The following HRH1 variants were observed in gnomAD, a reference collection of about 807,000 sequenced individuals.
HRH1 encodes the protein histamine H1 receptor.
Under a neutral mutation model 10.3 loss-of-function variants are expected in HRH1, and 6 were observed. The observed-to-expected ratio is 0.58, with a 90% CI of 0.32 to 1.15. The LOEUF is 1.15. Among genes scored for constraint, HRH1 ranks in the 50% most tolerant of loss-of-function variants. The probability of loss-of-function intolerance (pLI) is 0.05; values close to 1 mark genes in which losing one functional copy is unlikely to be tolerated. For missense variants in HRH1, 514 were observed against 615.3 expected, an observed-to-expected ratio of 0.84 and a Z score of 1.74; for synonymous variants, 242 against 236.7, an observed-to-expected ratio of 1.02 and a Z score of -0.21.
intron 1 of HRH1, among the ~76,000 whole-genome samples, chr3:11,233,989 A>T (rs1362276384): frequency 6.6e-6 from 1 of 152,206 alleles, no homozygotes; most frequent in Non-Finnish European, 1.5e-5. Context: ...CATGATTTAA[A>T]AGTGGCAAAA....
chr3:11,159,005 TG>T (rs1284500462), intron 1 of HRH1, among the ~76,000 whole-genome samples: 3 of 152,222 alleles, frequency 2.0e-5, no homozygotes, highest in Non-Finnish European at 2.9e-5. Flanking sequence ...CCCAGCACTT[TG>T]GGAGGCCGAG....
At chr3:11,217,485 C>T (rs932331656) in intron 1 of HRH1, among the ~76,000 whole-genome samples, 11 of 151,830 alleles carry the variant, frequency 7.2e-5, no homozygotes, top group Non-Finnish European at 1.5e-4. Context: ...GCCGAGATGG[C>T]GCCATTGCAC....
upstream of HRH1, among the ~76,000 whole-genome samples, chr3:11,152,684 A>G (rs1329099715): frequency 6.8e-6 from 1 of 146,128 alleles, no homozygotes. Flanking sequence ...TAGAGAGAGG[A>G]AATGTATTTC....
chr3:11,217,442 T>C (rs983621038), intron 1 of HRH1, among the ~76,000 whole-genome samples: 1 of 151,966 alleles, frequency 6.6e-6, no homozygotes, highest in African/African-American at 2.4e-5. Context: ...GGCAGGAGAA[T>C]CACTTGAACC....
intron 1 of HRH1, among the ~76,000 whole-genome samples, chr3:11,220,535 G>T (rs1159192689): frequency 6.6e-6 from 1 of 152,188 alleles, no homozygotes; most frequent in African/African-American, 2.4e-5. Context: ...GGAGCTGCAG[G>T]GCTGCCCATG....
chr3:11,240,905 A>G lies in HRH1; in HGVS notation c.-35-18098A>G, dbSNP rs552106301. On this transcript the variant is annotated intron_variant, in intron 1 of 1. Coordinates refer to ENST00000431010, the MANE Select transcript of HRH1 (RefSeq NM_001098212.2). ...GACTAGAATAACCAGCCTACAAATG[A>G]TGAAGAGGATAGAGAAGTTTGGACT... Among the ~76,000 whole-genome samples the G allele has an allele frequency of 3.2e-4, 48 of 152,332 alleles. 2 individuals carry two copies. In the Middle Eastern group the frequency reaches 0.02, roughly 65 times the overall value.
At chr3:11,239,816 C>T (rs1329111167) in intron 1 of HRH1, among the ~76,000 whole-genome samples, 1 of 151,736 alleles carries the variant, frequency 6.6e-6, no homozygotes, top group Non-Finnish European at 1.5e-5. Flanking sequence ...CCAGTGGCAG[C>T]CCCCCACCCC....
intron 1 of HRH1, among the ~76,000 whole-genome samples, chr3:11,138,161 GC>G (rs1249261833): frequency 2.0e-5 from 3 of 147,718 alleles, no homozygotes; most frequent in African/African-American, 7.5e-5. Flanking sequence ...GACTACAGGC[GC>G]CCGCACCACG....
At chr3:11,145,500 T>A (rs1172853386) in intron 1 of HRH1, among the ~76,000 whole-genome samples, 1 of 152,186 alleles carries the variant, frequency 6.6e-6, no homozygotes, top group South Asian at 2.1e-4. Flanking sequence ...GCTCTCATAG[T>A]GGGGCTGCCT....
chr3:11,171,415 C>T (rs1419559234), intron 1 of HRH1, among the ~76,000 whole-genome samples: 6 of 151,984 alleles, frequency 3.9e-5, no homozygotes, highest in African/African-American at 1.2e-4. Flanking sequence ...TGTGCCTGGC[C>T]AGGGTTGCAG....
chr3:11,218,166 G>A (rs746272394), intron 1 of HRH1, among the ~76,000 whole-genome samples: 1 of 152,216 alleles, frequency 6.6e-6, no homozygotes, highest in Non-Finnish European at 1.5e-5. Context: ...CAATTTTAAG[G>A]CCAGGCGCGG....
At chr3:11,236,980 C>CT (rs1340057243) in intron 1 of HRH1, among the ~76,000 whole-genome samples, 4 of 151,840 alleles carry the variant, frequency 2.6e-5, no homozygotes, top group South Asian at 2.1e-4. Context: ...TCATCAATCA[C>CT]TTTTTTTTTC....
intron 1 of HRH1, among the ~76,000 whole-genome samples, chr3:11,232,662 C>T (rs564137005): frequency 2.0e-5 from 3 of 152,098 alleles, no homozygotes; most frequent in Non-Finnish European, 2.9e-5. Context: ...TGTCTATATC[C>T]GTAAGACATC....
intron 1 of HRH1, among the ~76,000 whole-genome samples, chr3:11,204,426 G>T (rs1039838494): frequency 6.6e-6 from 1 of 152,132 alleles, no homozygotes; most frequent in African/African-American, 2.4e-5. Flanking sequence ...CCAGGGGTCA[G>T]GTGTTCCAAG....
chr3:11,186,615 G>A (rs889145447), intron 1 of HRH1, among the ~76,000 whole-genome samples: 2 of 152,194 alleles, frequency 1.3e-5, no homozygotes, highest in Non-Finnish European at 2.9e-5. Flanking sequence ...TGCCTTGGAG[G>A]TCGGGATCTG....
chr3:11,248,279 G>T, intron 1 of HRH1, among the ~76,000 whole-genome samples: 1 of 152,260 alleles, frequency 6.6e-6, no homozygotes, highest in East Asian at 1.9e-4. Flanking sequence ...GATTATAATA[G>T]ATATAATTTA....
At chr3:11,258,775 C>T (rs1939852734) in intron 1 of HRH1, among the ~76,000 whole-genome samples, 1 of 152,156 alleles carries the variant, frequency 6.6e-6, no homozygotes, top group Admixed American at 6.5e-5. Context: ...CTATTTTGTT[C>T]ACAGCTATAT....
rs192273668 is a variant in HRH1, at chr3:11,219,435, T to C, written c.-35-39568T>C. 1.4e-3 allele frequency among the ~76,000 whole-genome samples: 207 copies of C among 151,938 alleles called. 3 individuals carry two copies. The East Asian group carries it at 0.028, about 20-fold the overall frequency. On this transcript the variant is annotated intron_variant, in intron 1 of 1. Coordinates refer to ENST00000431010, the MANE Select transcript of HRH1 (RefSeq NM_001098212.2). ...TTGCCACAGTTAAAAATAAATAGGCTGGGCACGGTGGCTCATGCCTGTAAT... is the reference window on the plus strand; with the variant it reads ...TTGCCACAGTTAAAAATAAATAGGCCGGGCACGGTGGCTCATGCCTGTAAT...
At chr3:11,192,081 G>C (rs1351468022) in intron 1 of HRH1, among the ~76,000 whole-genome samples, 1 of 152,218 alleles carries the variant, frequency 6.6e-6, no homozygotes, top group Non-Finnish European at 1.5e-5. Flanking sequence ...CACTGGGCAT[G>C]ATGAGTCACC....
Sources: allele counts gnomAD v4.1 joint callset (sites outside exome capture counted in the v4.1 genomes callset), GRCh38; gene constraint gnomAD v4.1.1; transcripts MANE v1.5; gene names NCBI Gene and HGNC (gene_info 2026-07-23, HGNC 2026-07-21).